Variants in SYNJ2 observed in about 807,000 individuals in gnomAD.
SYNJ2 encodes the protein synaptojanin 2, also known as polyphosphatidylinositol phosphatase SYNJ2.
In SYNJ2, 116 loss-of-function variants were observed where a neutral mutation model predicts 141.3. The observed-to-expected ratio is 0.82, with a 90% CI of 0.71 to 0.96. The LOEUF (loss-of-function observed/expected upper bound fraction) is 0.96, where lower values mean the gene tolerates loss of function less well. Among genes scored for constraint, SYNJ2 ranks in the 40% least tolerant of loss-of-function variants. The pLI is 0.00. For synonymous variants in SYNJ2, 745 were observed against 777.7 expected (o/e 0.96, Z 0.70); for missense variants, 1,873 against 1,934.8 (o/e 0.97, Z 0.60).
intron 1 of SYNJ2, among the ~76,000 whole-genome samples, chr6:157,987,709 G>A (rs1055620599): frequency 1.3e-5 from 2 of 152,158 alleles, no homozygotes; most frequent in Non-Finnish European, 1.5e-5. Context: ...ACCACTTATT[G>A]TTTGTAGGGA....
chr6:158,043,655 C>T lies in SYNJ2; in HGVS notation c.795+256C>T, dbSNP rs986618898. Among the ~76,000 whole-genome samples, 4 of 152,210 alleles carry T rather than the reference C, an allele frequency of 2.6e-5. No individual in the cohort carries two copies. The highest frequency in any genetic ancestry group is 6.5e-5 in the Admixed American group (1 of 15,282). On this transcript the variant is annotated intron_variant, in intron 5 of 26. Transcript: ENST00000355585. This position sits in a 1 kb window ranked among gnomAD's most constrained non-coding sequence, Gnocchi z 4.0. ...CAAGGATGCTGTGTGAAACCGCTGA[C>T]TCGGGAACGGTGCTGCGGTGCCTGC...
chr6:158,088,412 C>A (rs1337534080), intron 23 of SYNJ2, among the ~76,000 whole-genome samples: 1 of 152,066 alleles, frequency 6.6e-6, no homozygotes, highest in African/African-American at 2.4e-5. Flanking sequence ...TTAAAGTTTG[C>A]ATTCTAGTAA....
intron 25 of SYNJ2, among the ~76,000 whole-genome samples, chr6:158,090,542 GTTTTTTTTT>G (rs58356198): frequency 3.5e-5 from 4 of 113,924 alleles, no homozygotes; most frequent in Non-Finnish European, 7.1e-5. Context: ...TTTTTTTTTT[GTTTTTTTTT>G]TTTTTTTTTT....
chr6:158,033,450 T>G lies in SYNJ2; in HGVS notation c.486-5T>G. ...CTGGAATTGGTGTGGGACTGTGTTT[T>G]GCAGGAACCAGCTGTTGCACGTGCC... On this transcript the variant is annotated splice_polypyrimidine_tract_variant and splice_region_variant and intron_variant, in intron 3 of 26. Coordinates refer to ENST00000355585, the MANE Select transcript of SYNJ2 (RefSeq NM_003898.4). The G allele has an allele frequency of 6.2e-7, 1 of 1,613,580 alleles. No individual in the cohort carries two copies. The highest frequency in any genetic ancestry group is 8.5e-7 in the Non-Finnish European group (1 of 1,179,538).
chr6:157,990,348 G>C (rs531470658), intron 1 of SYNJ2, among the ~76,000 whole-genome samples: 13 of 152,128 alleles, frequency 8.5e-5, no homozygotes, highest in Non-Finnish European at 1.0e-4. Context: ...CCTTCTCCTT[G>C]GCGTGCCCCA....
chr6:158,095,385 C>T (rs1783736763), intron 26 of SYNJ2, among the ~76,000 whole-genome samples: 1 of 152,122 alleles, frequency 6.6e-6, no homozygotes, highest in South Asian at 2.1e-4. Flanking sequence ...TTTAAATTTT[C>T]CACTCGTTTT....
intron 12 of SYNJ2, among the ~76,000 whole-genome samples, chr6:158,066,893 C>G (rs1000472233): frequency 1.1e-4 from 16 of 152,182 alleles, no homozygotes; most frequent in African/African-American, 3.9e-4. Flanking sequence ...ATGGTGAAGT[C>G]TTAGGCTTTC....
At chr6:158,020,116 C>T (rs936820186) in intron 2 of SYNJ2, among the ~76,000 whole-genome samples, 2 of 133,832 alleles carry the variant, frequency 1.5e-5, no homozygotes, top group African/African-American at 6.4e-5. Flanking sequence ...GTGTGACTAA[C>T]TCCACCTGTG....
intron 4 of SYNJ2, among the ~76,000 whole-genome samples, chr6:158,037,470 C>T (rs1779700809): frequency 6.8e-6 from 1 of 147,548 alleles, no homozygotes; most frequent in Non-Finnish European, 1.5e-5. Context: ...GGCACAATCT[C>T]GGCTCACTGC....
At position 158,078,202 on chromosome 6, in the gene SYNJ2, G is replaced by T. The variant is rs763322041; in HGVS notation, c.2488G>T (p.Asp830Tyr). 1 of 1,614,022 alleles carries T rather than the reference G, an allele frequency of 6.2e-7. No individual in the cohort carries two copies. Reference protein sequence around the residue: ...LNLLDSDLDVDTKVRHTWSPG... With the variant: ...LNLLDSDLDVYTKVRHTWSPG... ...CCTTCTAGACAGTGATCTAGATGTT[G>T]ACACCAAAGTCAGACACACCTGGTC... The change falls in exon 18 of 27, where the codon GAC (aspartate) becomes TAC (tyrosine). Residue 830 changes from aspartate to tyrosine, a missense_variant. Coordinates refer to ENST00000355585, the MANE Select transcript of SYNJ2 (RefSeq NM_003898.4).
Position 157,982,102 on chromosome 6 carries a change from G to T in SYNJ2, c.127+14G>T. On this transcript the variant is annotated intron_variant, in intron 1 of 26. Coordinates refer to ENST00000355585, the MANE Select transcript of SYNJ2 (RefSeq NM_003898.4). The surrounding 1 kb of genome is among the most constrained non-coding windows in gnomAD (Gnocchi z 4.0). ...TGGCCACGCTGGGTGAGTCCGGGCCGGGGGCAGCGACGCCCGGAGGAGAGG... is the reference window on the plus strand; with the variant it reads ...TGGCCACGCTGGGTGAGTCCGGGCCTGGGGCAGCGACGCCCGGAGGAGAGG... The T allele has an allele frequency of 7.6e-7, 1 of 1,313,452 alleles. No homozygotes were observed. Among genetic ancestry groups the T allele is most frequent in the Non-Finnish European group, 9.7e-7 (1 of 1,032,582 alleles). The allele number at this position is 1,313,452 out of a possible 1,614,324, so 81.4% of individuals were successfully genotyped here.
chr6:158,049,852 G>A (rs1355255478), intron 5 of SYNJ2, among the ~76,000 whole-genome samples: 2 of 151,254 alleles, frequency 1.3e-5, no homozygotes, highest in East Asian at 2.0e-4. Context: ...TGGTATGCAC[G>A]CAGCTCTGCA....
chr6:158,026,882 G>A (rs186444553), intron 2 of SYNJ2: 2 of 985,424 alleles, frequency 2.0e-6, no homozygotes, highest in East Asian at 2.3e-4. Context: ...ATCACAAGCT[G>A]CCAACCCCGG....
At chr6:158,064,436 T>A (rs1195881378) in intron 9 of SYNJ2, among the ~76,000 whole-genome samples, 165 bp from the exon 10 acceptor site, 1 of 152,018 alleles carries the variant, frequency 6.6e-6, no homozygotes, top group African/African-American at 2.4e-5. Context: ...GGGTGAGATG[T>A]GGGAAGTCAC....
At position 158,017,716 on chromosome 6, in the gene SYNJ2, A is replaced by G. The variant is rs144840028; in HGVS notation, c.214+426A>G. ...AGCCATGAGCCGCCGTGCCTGGCCG[A>G]CCTCTCTTCTCTTTTAAGATGTTTC... On this transcript the variant is annotated intron_variant, in intron 2 of 26. Transcript: ENST00000355585. 135 of 526,014 alleles carry G rather than the reference A, an allele frequency of 2.6e-4. 2 individuals carry two copies. The East Asian group carries it at 7.4e-3, about 29-fold the overall frequency. The allele number at this position is 526,014 out of a possible 1,614,324, so 32.6% of individuals were successfully genotyped here. A position where few individuals can be genotyped will look rare whatever the true frequency, so the allele number is the denominator to read the frequency against.
chr6:158,061,960 C>T (rs1781246873), intron 7 of SYNJ2, 32 bp from the exon 8 acceptor site: 7 of 1,605,336 alleles, frequency 4.4e-6, no homozygotes, highest in African/African-American at 2.7e-5. Flanking sequence ...CTTCCCTCTG[C>T]TCCCCTCACC....
At chr6:158,092,062 TAGAA>T (rs1463845562) in intron 25 of SYNJ2, among the ~76,000 whole-genome samples, 8 of 151,152 alleles carry the variant, frequency 5.3e-5, no homozygotes, top group African/African-American at 1.5e-4. Context: ...ATGGTACACT[TAGAA>T]AGGGTGAATT....
chr6:158,093,824 C>T (rs1783627701), intron 26 of SYNJ2: 1 of 743,932 alleles, frequency 1.3e-6, no homozygotes, highest in Non-Finnish European at 2.5e-6. Context: ...GCCATGTTCA[C>T]ATGCTCTCGT....
intron 15 of SYNJ2, among the ~76,000 whole-genome samples, 178 bp from the exon 16 acceptor site, chr6:158,074,402 T>C (rs1315999470): frequency 2.0e-5 from 3 of 152,202 alleles, no homozygotes; most frequent in African/African-American, 7.2e-5. Flanking sequence ...CATGTAAAAA[T>C]TCCTCCATAG....
Sources: allele counts gnomAD v4.1 joint callset (sites outside exome capture counted in the v4.1 genomes callset), GRCh38; gene constraint gnomAD v4.1.1; non-coding constraint Gnocchi (gnomAD v3.1); transcripts MANE v1.5; gene names NCBI Gene and HGNC (gene_info 2026-07-23, HGNC 2026-07-21).